Variants in ZNF730 observed in about 807,000 individuals in gnomAD.
ZNF730 encodes zinc finger protein 730, also known as putative zinc finger protein 730.
Under a neutral mutation model 12.6 loss-of-function variants are expected in ZNF730, and 12 were observed. That is an observed-to-expected ratio of 0.95 (90% confidence interval 0.61 to 1.54). The LOEUF (loss-of-function observed/expected upper bound fraction) is 1.54. Among genes scored for constraint, ZNF730 ranks in the 40% most tolerant of loss-of-function variants. The pLI, the probability that ZNF730 is intolerant of heterozygous loss-of-function variation, is 0.00. For missense variants in ZNF730, 643 were observed against 583.5 expected, an observed-to-expected ratio of 1.10 and a Z score of -1.05; for synonymous variants, 194 against 195.8, an observed-to-expected ratio of 0.99 and a Z score of 0.08.
intron 1 of ZNF730, among the ~76,000 whole-genome samples, chr19:23,087,930 T>C (rs1568301161): frequency 1.3e-5 from 2 of 151,722 alleles, no homozygotes; most frequent in Non-Finnish European, 1.5e-5. Context: ...CCTTTATTTC[T>C]TTCTCTTTTC....
intron 1 of ZNF730, among the ~76,000 whole-genome samples, chr19:23,092,671 C>A (rs769817512): frequency 6.6e-6 from 1 of 152,140 alleles, no homozygotes; most frequent in Non-Finnish European, 1.5e-5. Context: ...GATCCGCCCA[C>A]CTCGGCCTCC....
chr19:23,119,337 T>C (rs1272217781), intron 1 of ZNF730, among the ~76,000 whole-genome samples: 3 of 152,244 alleles, frequency 2.0e-5, no homozygotes, highest in Admixed American at 6.5e-5. Flanking sequence ...ATCAAACATA[T>C]TGATTTGTGT....
At chr19:23,097,249 T>C (rs1970267475) in intron 1 of ZNF730, among the ~76,000 whole-genome samples, 2 of 152,128 alleles carry the variant, frequency 1.3e-5, no homozygotes, top group Non-Finnish European at 2.9e-5. Context: ...TTGTGACACA[T>C]TACTTGGCCA....
At chr19:23,100,197 C>T (rs1210408633) in intron 1 of ZNF730, 3 of 152,094 alleles carry the variant, frequency 2.0e-5, no homozygotes, top group African/African-American at 7.2e-5. Flanking sequence ...GGTCCATGCC[C>T]TCAGGGAAGA....
chr19:23,085,645 G>T (rs571122003), intron 1 of ZNF730, among the ~76,000 whole-genome samples: 1 of 145,718 alleles, frequency 6.9e-6, no homozygotes, highest in African/African-American at 2.5e-5. Context: ...CTAGTAGATG[G>T]GATTACAGGC....
chr19:23,141,429 T>C (rs1238204218), intron 3 of ZNF730, among the ~76,000 whole-genome samples: 1 of 151,846 alleles, frequency 6.6e-6, no homozygotes, highest in Non-Finnish European at 1.5e-5. Context: ...TAAACAGACA[T>C]GGTGTTGTGC....
At chr19:23,133,976 ATAAG>A in intron 1 of ZNF730, 100 bp from the exon 2 acceptor site, 1 of 1,417,200 alleles carries the variant, frequency 7.1e-7, no homozygotes, top group South Asian at 1.3e-5. Context: ...AGTCACCCCT[ATAAG>A]TAAGACCCAA....
chr19:23,125,283 C>G (rs372945759), intron 1 of ZNF730, among the ~76,000 whole-genome samples: 13 of 152,166 alleles, frequency 8.5e-5, no homozygotes, highest in African/African-American at 2.9e-4. Context: ...TGAAAAGATA[C>G]CTGAAAATGT....
intron 1 of ZNF730, among the ~76,000 whole-genome samples, chr19:23,132,818 A>C (rs1052643706): frequency 2.6e-5 from 4 of 152,366 alleles, no homozygotes; most frequent in Non-Finnish European, 5.9e-5. Flanking sequence ...CTTGTTCTCC[A>C]TGGTGCTAAA....
upstream of ZNF730, among the ~76,000 whole-genome samples, chr19:23,114,301 TTTTC>T (rs1460674799): frequency 3.5e-3 from 13 of 3,712 alleles, no homozygotes; most frequent in African/African-American, 5.6e-3. Flanking sequence ...TTTCTTTTTC[TTTTC>T]TTTTTTTTTT....
chr19:23,082,732 G>A (rs926251685), intron 1 of ZNF730, among the ~76,000 whole-genome samples: 8 of 147,926 alleles, frequency 5.4e-5, no homozygotes, highest in South Asian at 2.2e-4. Context: ...ACAAAATCTC[G>A]CTCTTGTTAC....
chr19:23,133,153 A>C (rs1052527546), intron 1 of ZNF730, among the ~76,000 whole-genome samples: 2 of 152,068 alleles, frequency 1.3e-5, no homozygotes, highest in African/African-American at 2.4e-5. Flanking sequence ...TTAATCTGGC[A>C]GCTGCCCTTC....
chr19:23,124,281 C>A (rs1393513333), intron 1 of ZNF730, among the ~76,000 whole-genome samples: 1 of 152,188 alleles, frequency 6.6e-6, no homozygotes, highest in Non-Finnish European at 1.5e-5. Flanking sequence ...TAAATAGAAT[C>A]TGATGGCCAA....
Position 23,135,946 on chromosome 19 carries a change from A to G in ZNF730, c.131-2A>G. 1 of 1,608,140 alleles carries G rather than the reference A, an allele frequency of 6.2e-7. No individual in the cohort carries two copies. On this transcript the variant is annotated splice_acceptor_variant, in intron 2 of 3. Coordinates refer to ENST00000597761, the MANE Select transcript of ZNF730 (RefSeq NM_001277403.2). LOFTEE classifies it high-confidence loss of function. ...AGATTCATGTTATTTTTCATAAAACAGGTATTGCTGTCTCAAAGCCAGACC... is the reference window on the plus strand; with the variant it reads ...AGATTCATGTTATTTTTCATAAAACGGGTATTGCTGTCTCAAAGCCAGACC...
At chr19:23,095,209 T>C in intron 1 of ZNF730, 2 of 395,388 alleles carry the variant, frequency 5.1e-6, no homozygotes, top group South Asian at 1.4e-4. Context: ...TAGTGACATA[T>C]CACTGGGTCT....
intron 3 of ZNF730, chr19:23,143,562 T>C (rs528423285): frequency 6.6e-6 from 1 of 152,370 alleles, no homozygotes; most frequent in Admixed American, 6.5e-5. Context: ...ATCCTTTTAT[T>C]TTCCGTTTCA....
intron 1 of ZNF730, among the ~76,000 whole-genome samples, chr19:23,102,491 A>AT (rs1413510082): frequency 4.5e-5 from 6 of 133,910 alleles, no homozygotes; most frequent in African/African-American, 1.7e-4. Flanking sequence ...TTTTTTTTTT[A>AT]TTTTATTTAT....
chr19:23,122,391 C>T (rs1279960979), intron 1 of ZNF730, among the ~76,000 whole-genome samples: 2 of 152,140 alleles, frequency 1.3e-5, no homozygotes, highest in African/African-American at 4.8e-5. Context: ...GATCCTCCTG[C>T]CTTGGCCTCC....
At chr19:23,086,079 A>G (rs1284153645) in intron 1 of ZNF730, among the ~76,000 whole-genome samples, 1 of 151,870 alleles carries the variant, frequency 6.6e-6, no homozygotes, top group Non-Finnish European at 1.5e-5. Context: ...TCCTGACCTC[A>G]TGATCCACCC....
Sources: gnomAD v4.1 joint callset for allele counts (sites outside exome capture counted in the v4.1 genomes callset) on GRCh38, gnomAD v4.1.1 for gene constraint, MANE v1.5 for transcripts, NCBI Gene and HGNC (gene_info 2026-07-23, HGNC 2026-07-21) for gene names.